Variants in CAMTA1 observed in about 807,000 individuals in gnomAD.
CAMTA1 encodes the protein calmodulin-binding transcription activator 1.
In CAMTA1, 27 loss-of-function variants were observed where a neutral mutation model predicts 170.9. The observed-to-expected ratio is 0.16, with a 90% CI of 0.12 to 0.22. The LOEUF is 0.22. CAMTA1 is among the 10% of genes least tolerant of loss of function. The pLI is 1.00. For missense variants in CAMTA1, 1,619 were observed against 2,217.2 expected (o/e 0.73, Z 5.42); for synonymous variants, 833 against 891.5 (o/e 0.93, Z 1.17).
intron 11 of CAMTA1, among the ~76,000 whole-genome samples, chr1:7,727,995 C>A (rs1361572667): frequency 6.6e-6 from 1 of 152,236 alleles, no homozygotes; most frequent in Non-Finnish European, 1.5e-5. Context: ...AATTATCACT[C>A]GCTTCCCCTT....
At chr1:7,647,913 G>A (rs376183313) in intron 7 of CAMTA1, among the ~76,000 whole-genome samples, 1 of 152,106 alleles carries the variant, frequency 6.6e-6, no homozygotes, top group Non-Finnish European at 1.5e-5. Flanking sequence ...GCGAGACCCT[G>A]TCTCTACAAA....
chr1:7,297,229 T>C (rs1164067095), intron 5 of CAMTA1, among the ~76,000 whole-genome samples: 1 of 152,114 alleles, frequency 6.6e-6, no homozygotes, highest in African/African-American at 2.4e-5. Flanking sequence ...GGAGTGTGGG[T>C]TATGTTGTTT....
At chr1:7,761,574 C>T (rs1182579354) in intron 22 of CAMTA1, among the ~76,000 whole-genome samples, 3 of 152,160 alleles carry the variant, frequency 2.0e-5, no homozygotes, top group African/African-American at 7.2e-5. Context: ...TATCATGCAC[C>T]TGTGTTCCAA....
At chr1:6,929,520 C>T (rs1033724158) in intron 3 of CAMTA1, among the ~76,000 whole-genome samples, 16 of 152,178 alleles carry the variant, frequency 1.1e-4, no homozygotes, top group East Asian at 3.9e-4. Flanking sequence ...CCCGCCACCA[C>T]GCCTGGCTAA....
chr1:7,740,064 C>T (rs543704702), intron 16 of CAMTA1, among the ~76,000 whole-genome samples: 1 of 152,068 alleles, frequency 6.6e-6, no homozygotes, highest in East Asian at 1.9e-4. Flanking sequence ...CCTACCACAA[C>T]ACATGGGAAT....
chr1:6,868,126 A>ATTTTTTTTTTTTTTTT (rs1667227945), intron 3 of CAMTA1, among the ~76,000 whole-genome samples: 2 of 146,704 alleles, frequency 1.4e-5, no homozygotes, highest in Admixed American at 8.5e-5. Flanking sequence ...GTTCTTTTTA[A>ATTTTTTTTTTTTTTTT]TTGTTGAATA....
At chr1:7,583,830 C>T (rs1255258769) in intron 6 of CAMTA1, among the ~76,000 whole-genome samples, 1 of 152,132 alleles carries the variant, frequency 6.6e-6, no homozygotes. Context: ...TAGAAGGTGC[C>T]GTCTCCCGGG....
intron 4 of CAMTA1, among the ~76,000 whole-genome samples, chr1:7,148,374 C>T (rs1646364918): frequency 6.6e-6 from 1 of 152,108 alleles, no homozygotes; most frequent in African/African-American, 2.4e-5. Flanking sequence ...ATACACACCA[C>T]ACACTCAAAT....
intron 4 of CAMTA1, among the ~76,000 whole-genome samples, chr1:7,148,234 C>T (rs1242152133): frequency 1.3e-5 from 2 of 149,894 alleles, no homozygotes; most frequent in East Asian, 4.1e-4. Context: ...TGCACACACA[C>T]ACCACACACT....
At chr1:7,724,575 G>A (rs1190126001) in intron 11 of CAMTA1, among the ~76,000 whole-genome samples, 1 of 152,160 alleles carries the variant, frequency 6.6e-6, no homozygotes, top group African/African-American at 2.4e-5. Context: ...GCTCACGCCT[G>A]TAATCCTAGC....
intron 3 of CAMTA1, among the ~76,000 whole-genome samples, chr1:7,081,296 G>A (rs988861061): frequency 2.1e-4 from 32 of 152,322 alleles, no homozygotes; most frequent in Admixed American, 1.6e-3. Flanking sequence ...GGTTCACGTC[G>A]TTGCTGTCTA....
rs551377591 is a variant in CAMTA1, at chr1:7,758,732, G to A, written c.4989+3064G>A. Among the ~76,000 whole-genome samples, 518 of 152,036 alleles carry A rather than the reference G, an allele frequency of 3.4e-3. 3 individuals are homozygous for A. The highest frequency in any genetic ancestry group is 0.012 in the African/African-American group (502 of 41,518). On this transcript the variant is annotated intron_variant, in intron 22 of 22. Transcript: ENST00000303635. ...GGGCGGATCACGAGGTCAGGAGATC[G>A]AGACCATCCTGGCTAACATGGTGAA...
At chr1:7,089,914 G>C (rs1471784466) in intron 3 of CAMTA1, among the ~76,000 whole-genome samples, 1 of 152,190 alleles carries the variant, frequency 6.6e-6, no homozygotes, top group African/African-American at 2.4e-5. Flanking sequence ...ACGTAAAAAG[G>C]CTCAGGGATG....
intron 5 of CAMTA1, among the ~76,000 whole-genome samples, chr1:7,417,109 A>T (rs1490631993): frequency 6.6e-6 from 1 of 152,196 alleles, no homozygotes; most frequent in Non-Finnish European, 1.5e-5. Context: ...TGAACCGCAA[A>T]TGCTGCTGCC....
chr1:7,223,233 G>T (rs1396164295), intron 4 of CAMTA1, among the ~76,000 whole-genome samples: 1 of 138,414 alleles, frequency 7.2e-6, no homozygotes, highest in Non-Finnish European at 1.5e-5. Context: ...TCCTACATGT[G>T]TATGTCAGGC....
At chr1:7,406,528 A>C (rs1311387800) in intron 5 of CAMTA1, among the ~76,000 whole-genome samples, 13 of 152,090 alleles carry the variant, frequency 8.5e-5, no homozygotes, top group African/African-American at 2.7e-4. Flanking sequence ...TTTTCTCACC[A>C]TCTTCAATTG....
In CAMTA1 at chr1:7,580,247, G is replaced by A. The variant is rs1386883234; in HGVS notation, c.511-60153G>A. Among the ~76,000 whole-genome samples, 4 of 152,244 alleles carry A rather than the reference G, an allele frequency of 2.6e-5. No homozygotes were observed. Among genetic ancestry groups the A allele is most frequent in the Admixed American group, 2.0e-4 (3 of 15,286 alleles). On this transcript the variant is annotated intron_variant, in intron 6 of 22. Transcript: ENST00000303635. The surrounding 1 kb of genome is among the most constrained non-coding windows in gnomAD (Gnocchi z 4.3). ...AGGAGGGCTCCCTCCCCCTGGGGCT[G>A]TGGAGGCTGAGGCTCCTGGGGGGTT...
At chr1:6,802,651 C>T (rs976033331) in intron 1 of CAMTA1, among the ~76,000 whole-genome samples, 1 of 152,120 alleles carries the variant, frequency 6.6e-6, no homozygotes, top group East Asian at 1.9e-4. Context: ...GGCCAAGTGT[C>T]CTTGGTCAGC....
chr1:7,142,138 C>T (rs1264275272), intron 4 of CAMTA1: 1 of 518,734 alleles, frequency 1.9e-6, no homozygotes, highest in East Asian at 5.5e-5. Context: ...TGTTCCTCTG[C>T]AGTCTTGGAG....
Sources: allele counts gnomAD v4.1 joint callset (sites outside exome capture counted in the v4.1 genomes callset), GRCh38; gene constraint gnomAD v4.1.1; non-coding constraint Gnocchi (gnomAD v3.1); transcripts MANE v1.5; gene names NCBI Gene and HGNC (gene_info 2026-07-23, HGNC 2026-07-21).